Variants in CFAP20DC observed in about 807,000 individuals in gnomAD.
The protein encoded by CFAP20DC is CFAP20 domain containing.
Under a neutral mutation model 101.7 loss-of-function variants are expected in CFAP20DC, and 84 were observed. The observed-to-expected ratio is 0.83, with a 90% CI of 0.69 to 0.99. The LOEUF is 0.99. Ranked by LOEUF, CFAP20DC falls within the 50% of genes least tolerant of loss-of-function variation. The pLI is 0.00. For synonymous variants in CFAP20DC, 359 were observed against 351.2 expected (o/e 1.02, Z -0.25); for missense variants, 1,007 against 970.3 (o/e 1.04, Z -0.50).
At position 59,015,566 on chromosome 3, in the gene CFAP20DC, G is replaced by A. The variant is rs898766451; in HGVS notation, c.278+23991C>T. Reference sequence around the variant, plus strand: ...AAAGAAGGAAAGAGGAAGGAGGAGGGTTGGAGGGTGGAGGAGGAAGAAGGG... The same window carrying A: ...AAAGAAGGAAAGAGGAAGGAGGAGGATTGGAGGGTGGAGGAGGAAGAAGGG... On this transcript the variant is annotated intron_variant, in intron 4 of 16. Transcript: ENST00000482387. The surrounding 1 kb of genome is among the most constrained non-coding windows in gnomAD (Gnocchi z 5.4). Among the ~76,000 whole-genome samples the A allele has an allele frequency of 1.3e-5, 2 of 150,002 alleles. No homozygotes were observed. The highest frequency in any genetic ancestry group is 3.0e-5 in the Non-Finnish European group (2 of 67,300).
chr3:58,910,830 G>C (rs2084076481), intron 6 of CFAP20DC, among the ~76,000 whole-genome samples: 1 of 151,826 alleles, frequency 6.6e-6, no homozygotes, highest in Non-Finnish European at 1.5e-5. Context: ...ACACCACCTA[G>C]AGCCTCAAAA....
chr3:59,028,886 A>G (rs1388059869), intron 4 of CFAP20DC, among the ~76,000 whole-genome samples: 1 of 152,182 alleles, frequency 6.6e-6, no homozygotes, highest in Non-Finnish European at 1.5e-5. Context: ...TGAGGTAAGT[A>G]TTATTACTCT....
intron 13 of CFAP20DC, among the ~76,000 whole-genome samples, chr3:58,836,748 C>G (rs926471879): frequency 6.6e-6 from 1 of 151,992 alleles, no homozygotes; most frequent in Non-Finnish European, 1.5e-5. Context: ...ATCGAACAAT[C>G]TCCACCTCTG....
chr3:58,860,561 C>T (rs372622469), intron 12 of CFAP20DC, among the ~76,000 whole-genome samples: 14 of 152,086 alleles, frequency 9.2e-5, no homozygotes, highest in African/African-American at 3.1e-4. Flanking sequence ...AATTACTTGG[C>T]CTTGCAAATA....
At chr3:58,870,351 G>A (rs1456882811) in intron 7 of CFAP20DC, 42 bp from the exon 8 acceptor site, 2 of 1,587,372 alleles carry the variant, frequency 1.3e-6, no homozygotes, top group Non-Finnish European at 1.7e-6. Flanking sequence ...ATTAATGGGT[G>A]TAATGACAAA....
At chr3:58,820,188 A>C (rs1470885313) in intron 14 of CFAP20DC, among the ~76,000 whole-genome samples, 2 of 151,604 alleles carry the variant, frequency 1.3e-5, no homozygotes, top group Non-Finnish European at 3.0e-5. Flanking sequence ...CCAATATCAT[A>C]CTGAATGGGA....
intron 14 of CFAP20DC, among the ~76,000 whole-genome samples, chr3:58,807,234 G>A (rs917135356): frequency 1.3e-5 from 2 of 152,202 alleles, no homozygotes; most frequent in African/African-American, 4.8e-5. Context: ...GCACGCAGCT[G>A]GAGATCTGAG....
intron 15 of CFAP20DC, among the ~76,000 whole-genome samples, chr3:58,802,334 C>T (rs930587323): frequency 2.0e-5 from 3 of 152,216 alleles, no homozygotes; most frequent in Non-Finnish European, 4.4e-5. Context: ...TGTTAGGAAA[C>T]GTTTCTCAAC....
At position 58,874,795 on chromosome 3, in the gene CFAP20DC, CTAAT is replaced by C. The variant is rs2080599148; in HGVS notation, c.716-4490_716-4487del. Among the ~76,000 whole-genome samples the C allele has an allele frequency of 1.3e-5, 2 of 152,172 alleles. No individual in the cohort carries two copies. The highest frequency in any genetic ancestry group is 6.5e-5 in the Admixed American group (1 of 15,270). ...CTTTTACACATGTCCATGGGATTCT[CTAAT>C]TAATGTGTGCTTCAGTAGACATAAA... is the stretch of plus-strand genomic sequence containing the variant. On this transcript the variant is annotated intron_variant, in intron 7 of 16. Coordinates refer to ENST00000482387, the MANE Select transcript of CFAP20DC (RefSeq NM_001394063.1). This position sits in a 1 kb window ranked among gnomAD's most constrained non-coding sequence, Gnocchi z 5.1.
At chr3:58,843,672 G>A (rs1700599172) in intron 13 of CFAP20DC, among the ~76,000 whole-genome samples, 1 of 150,956 alleles carries the variant, frequency 6.6e-6, no homozygotes. Context: ...ATGCCACAAA[G>A]ATACTCCTCG....
chr3:59,049,422 C>T (rs1700131194), intron 1 of CFAP20DC, among the ~76,000 whole-genome samples, 189 bp downstream of exon 1: 1 of 152,180 alleles, frequency 6.6e-6, no homozygotes, highest in African/African-American at 2.4e-5. Context: ...AAAGCCAAAT[C>T]ATACGCCTAG....
At chr3:59,034,197 A>G (rs779792136) in intron 4 of CFAP20DC, among the ~76,000 whole-genome samples, 65 of 152,224 alleles carry the variant, frequency 4.3e-4, no homozygotes, top group Admixed American at 7.9e-4. Flanking sequence ...TCAAGGAAGC[A>G]CTAAATATGA....
At chr3:58,954,192 TC>T (rs2090420319) in intron 4 of CFAP20DC, among the ~76,000 whole-genome samples, 1 of 152,206 alleles carries the variant, frequency 6.6e-6, no homozygotes, top group Non-Finnish European at 1.5e-5. Context: ...ACAGTTTTTT[TC>T]CACAATGGCA....
intron 6 of CFAP20DC, among the ~76,000 whole-genome samples, chr3:58,895,855 G>A (rs952618455): frequency 6.6e-6 from 1 of 152,162 alleles, no homozygotes; most frequent in Non-Finnish European, 1.5e-5. Context: ...CATCTTACAT[G>A]GATGGCAGCA....
chr3:58,930,395 A>G (rs772165256), intron 5 of CFAP20DC, among the ~76,000 whole-genome samples: 7 of 152,198 alleles, frequency 4.6e-5, no homozygotes, highest in Non-Finnish European at 7.4e-5. Context: ...CTAGCCCAAA[A>G]GCTTTAATGG....
At chr3:58,746,885 T>C (rs2068242220) in intron 16 of CFAP20DC, among the ~76,000 whole-genome samples, 3 of 152,296 alleles carry the variant, frequency 2.0e-5, no homozygotes, top group Non-Finnish European at 2.9e-5. Context: ...CATTTTGCCA[T>C]TATAATCCCT....
At chr3:58,806,785 G>T (rs530431524) in intron 14 of CFAP20DC, among the ~76,000 whole-genome samples, 1 of 152,220 alleles carries the variant, frequency 6.6e-6, no homozygotes, top group East Asian at 1.9e-4. Flanking sequence ...CTCGGGAAGC[G>T]CAAGGGATCA....
intron 4 of CFAP20DC, among the ~76,000 whole-genome samples, chr3:58,946,682 C>T (rs952591628): frequency 6.6e-6 from 1 of 152,114 alleles, no homozygotes; most frequent in African/African-American, 2.4e-5. Context: ...AGGGGGTTAG[C>T]ACCCGAGACT....
At chr3:58,884,149 T>A (rs1212069843) in intron 7 of CFAP20DC, among the ~76,000 whole-genome samples, 1 of 152,166 alleles carries the variant, frequency 6.6e-6, no homozygotes, top group Non-Finnish European at 1.5e-5. Context: ...CTCTCCCTTC[T>A]AGACTGAGGG....
Sources: gnomAD v4.1 joint callset for allele counts (sites outside exome capture counted in the v4.1 genomes callset) on GRCh38, gnomAD v4.1.1 for gene constraint, Gnocchi (gnomAD v3.1) non-coding constraint, MANE v1.5 for transcripts, NCBI Gene and HGNC (gene_info 2026-07-23, HGNC 2026-07-21) for gene names.